SDCCAG8: variants seen among roughly 807,000 people sequenced by gnomAD.
SDCCAG8 encodes the protein serologically defined colon cancer antigen 8.
In SDCCAG8, 74 loss-of-function variants were observed where a neutral mutation model predicts 101.8. The ratio of observed to expected loss-of-function variants is 0.73; its 90% CI spans 0.60 to 0.88. SDCCAG8 has a LOEUF of 0.88. Ranked by LOEUF, SDCCAG8 falls within the 40% of genes least tolerant of loss-of-function variation. SDCCAG8 has a pLI of 0.00. For missense variants in SDCCAG8, 787 were observed against 822.6 expected, an observed-to-expected ratio of 0.96 and a Z score of 0.53; for synonymous variants, 281 against 292.9, an observed-to-expected ratio of 0.96 and a Z score of 0.41.
chr1:243,492,455 C>T (rs935835455), intron 17 of SDCCAG8, among the ~76,000 whole-genome samples: 1 of 151,640 alleles, frequency 6.6e-6, no homozygotes, highest in Non-Finnish European at 1.5e-5. Context: ...GCACCCACCA[C>T]CACACCTAGC....
chr1:243,454,353 C>A (rs142431449), intron 16 of SDCCAG8, among the ~76,000 whole-genome samples: 1 of 152,070 alleles, frequency 6.6e-6, no homozygotes, highest in Non-Finnish European at 1.5e-5. Flanking sequence ...TTTCCACAGG[C>A]CTAAAATCAG....
At chr1:243,431,303 G>A (rs766361489) in intron 16 of SDCCAG8, among the ~76,000 whole-genome samples, 4 of 152,216 alleles carry the variant, frequency 2.6e-5, no homozygotes, top group Non-Finnish European at 5.9e-5. Flanking sequence ...AAACACTGGC[G>A]AAATGTGTAG....
intron 9 of SDCCAG8, among the ~76,000 whole-genome samples, chr1:243,321,263 TAAAA>T (rs1332192453): frequency 2.6e-5 from 4 of 152,176 alleles, no homozygotes; most frequent in African/African-American, 9.7e-5. Flanking sequence ...ATTAAACTTT[TAAAA>T]AAATATTTCA....
At chr1:243,268,661 T>C (rs1037341665) in intron 1 of SDCCAG8, among the ~76,000 whole-genome samples, 5 of 152,234 alleles carry the variant, frequency 3.3e-5, no homozygotes, top group Non-Finnish European at 7.3e-5. Flanking sequence ...AGAAACTGTA[T>C]TAGATATTGT....
At chr1:243,385,969 C>T (rs2078260341) in intron 13 of SDCCAG8, among the ~76,000 whole-genome samples, 1 of 152,192 alleles carries the variant, frequency 6.6e-6, no homozygotes, top group African/African-American at 2.4e-5. Context: ...AGCTCCATCT[C>T]AAAAACACCA....
chr1:243,264,864 T>C (rs1456617700), intron 1 of SDCCAG8, among the ~76,000 whole-genome samples: 1 of 152,168 alleles, frequency 6.6e-6, no homozygotes, highest in Non-Finnish European at 1.5e-5. Flanking sequence ...GATGCATTCA[T>C]TGTGAAATAC....
chr1:243,282,010 GTCTC>G (rs1226135495), intron 4 of SDCCAG8, among the ~76,000 whole-genome samples: 4 of 152,038 alleles, frequency 2.6e-5, no homozygotes, highest in Admixed American at 2.0e-4. Flanking sequence ...TGGAGACAGA[GTCTC>G]TCTCAGTCGC....
rs192342858 is a variant in SDCCAG8 at position 243,458,799 on chromosome 1, C to G, written c.1986-30215C>G. Among the ~76,000 whole-genome samples the G allele has an allele frequency of 6.6e-6, 1 of 152,170 alleles. No homozygotes were observed. The highest frequency in any genetic ancestry group is 2.4e-5 in the African/African-American group (1 of 41,428). Reference sequence around the variant, plus strand: ...TCAGATATGGCATTGTTTTATATTCCCATTGTCAGTGATCTCTAAACGGCA... The same window carrying G: ...TCAGATATGGCATTGTTTTATATTCGCATTGTCAGTGATCTCTAAACGGCA... On this transcript the variant is annotated intron_variant, in intron 16 of 17. Coordinates refer to ENST00000366541, the MANE Select transcript of SDCCAG8 (RefSeq NM_006642.5). The surrounding 1 kb of genome is among the most constrained non-coding windows in gnomAD (Gnocchi z 4.5).
chr1:243,356,620 C>A (rs2147836276), intron 12 of SDCCAG8, among the ~76,000 whole-genome samples: 1 of 152,090 alleles, frequency 6.6e-6, no homozygotes, highest in South Asian at 2.1e-4. Context: ...AAGGGAACCA[C>A]AATAATGGAT....
In SDCCAG8 at chr1:243,429,532, C is replaced by T. The variant is rs184115712; in HGVS notation, c.1985+2974C>T. On this transcript the variant is annotated intron_variant, in intron 16 of 17. Coordinates refer to ENST00000366541, the MANE Select transcript of SDCCAG8 (RefSeq NM_006642.5). ...AGAAATATATTTTGTGGTACAAGTA[C>T]ATTTAATAAGGGAACTTGTTTTTTA... 8.2e-4 allele frequency among the ~76,000 whole-genome samples: 125 copies of T among 152,034 alleles called. 1 individual carries two copies. Among genetic ancestry groups the T allele is most frequent in the Non-Finnish European group, 1.4e-3 (97 of 67,974 alleles).
chr1:243,492,006 C>T (rs1358165259), intron 17 of SDCCAG8, among the ~76,000 whole-genome samples: 5 of 152,196 alleles, frequency 3.3e-5, no homozygotes, highest in Non-Finnish European at 5.9e-5. Context: ...CTTTCCTTCC[C>T]TCCCTGTCCT....
At chr1:243,488,907 C>T (rs897062405) in intron 16 of SDCCAG8, 107 bp from the exon 17 acceptor site, 37 of 1,545,778 alleles carry the variant, frequency 2.4e-5, no homozygotes, top group Non-Finnish European at 3.2e-5. Context: ...CCTAGGCGTC[C>T]TGCTCATGGT....
intron 16 of SDCCAG8, among the ~76,000 whole-genome samples, chr1:243,436,148 A>G (rs1172101621): frequency 6.6e-6 from 1 of 150,530 alleles, no homozygotes; most frequent in Non-Finnish European, 1.5e-5. Context: ...TCTGTATGAT[A>G]TCATATCATG....
chr1:243,325,019 T>C (rs532953261), intron 9 of SDCCAG8, among the ~76,000 whole-genome samples: 4 of 152,336 alleles, frequency 2.6e-5, no homozygotes, highest in African/African-American at 9.6e-5. Context: ...CCCCTTCTTG[T>C]TTGAATTAAC....
At chr1:243,345,138 A>G (rs1161236536) in intron 12 of SDCCAG8, among the ~76,000 whole-genome samples, 1 of 152,194 alleles carries the variant, frequency 6.6e-6, no homozygotes, top group African/African-American at 2.4e-5. Context: ...AGGTCGCTCC[A>G]AATAAGTTTT....
intron 17 of SDCCAG8, among the ~76,000 whole-genome samples, chr1:243,498,071 G>T (rs1452584061): frequency 6.6e-6 from 1 of 152,204 alleles, no homozygotes; most frequent in African/African-American, 2.4e-5. Flanking sequence ...AAGCCACTGT[G>T]TCAAGAGCGA....
chr1:243,300,223 T>C (rs1450456988), intron 6 of SDCCAG8, among the ~76,000 whole-genome samples: 1 of 152,186 alleles, frequency 6.6e-6, no homozygotes, highest in Non-Finnish European at 1.5e-5. Flanking sequence ...AAAAAATCTT[T>C]AGTACCAGTA....
At position 243,418,091 on chromosome 1, in the gene SDCCAG8, A is replaced by G. The variant is rs759001494; in HGVS notation, c.1853+15A>G. The G allele has an allele frequency of 2.6e-6, 4 of 1,548,422 alleles. No homozygotes were observed. The highest frequency in any genetic ancestry group is 1.7e-5 in the Admixed American group (1 of 59,870). ...CAAAAAACCAGGTAGGTGATGTTAT[A>G]GAATACTTTCAAGAGCACTGTTTGT... On this transcript the variant is annotated intron_variant, in intron 15 of 17. Coordinates refer to ENST00000366541, the MANE Select transcript of SDCCAG8 (RefSeq NM_006642.5).
intron 16 of SDCCAG8, among the ~76,000 whole-genome samples, chr1:243,482,688 C>T (rs74151002): frequency 0.027 from 4,089 of 152,282 alleles, 179 homozygotes; most frequent in African/African-American, 0.094. Flanking sequence ...GCTGTGAGGG[C>T]CGGGGAGCAC....
Sources: gnomAD v4.1 joint callset for allele counts (sites outside exome capture counted in the v4.1 genomes callset) on GRCh38, gnomAD v4.1.1 for gene constraint, Gnocchi (gnomAD v3.1) non-coding constraint, MANE v1.5 for transcripts, NCBI Gene and HGNC (gene_info 2026-07-23, HGNC 2026-07-21) for gene names.